The following SHISAL1 variants were observed in gnomAD, a reference collection of about 807,000 sequenced individuals.
SHISAL1 encodes the protein protein shisa-like-1.
SHISAL1 carries 9 observed loss-of-function variants against 22.6 expected under a neutral mutation model. The observed-to-expected ratio is 0.40, with a 90% CI of 0.24 to 0.70. The LOEUF is 0.70. Among genes scored for constraint, SHISAL1 ranks in the 30% least tolerant of loss-of-function variants. The pLI is 0.39. For missense variants in SHISAL1, 246 were observed against 270.6 expected, an observed-to-expected ratio of 0.91 and a Z score of 0.64; for synonymous variants, 119 against 115.4, an observed-to-expected ratio of 1.03 and a Z score of -0.20.
At chr22:44,326,930 C>T in the SHISAL1 span, among the ~76,000 whole-genome samples, 1 of 152,116 alleles carries the variant, frequency 6.6e-6, no homozygotes, top group Non-Finnish European at 1.5e-5. Context: ...CCTCCCCACA[C>T]CCCCGACTCC....
At chr22:44,261,704 A>C (rs970717428) in intron 4 of SHISAL1, among the ~76,000 whole-genome samples, 1 of 152,040 alleles carries the variant, frequency 6.6e-6, no homozygotes, top group Non-Finnish European at 1.5e-5. Flanking sequence ...GCAAATGTCA[A>C]CTCTTGTTCT....
intron 4 of SHISAL1, among the ~76,000 whole-genome samples, chr22:44,250,540 T>C (rs2055040182): frequency 6.6e-6 from 1 of 152,124 alleles, no homozygotes; most frequent in Non-Finnish European, 1.5e-5. Flanking sequence ...CTGCCCTGTG[T>C]CTATTATAAG....
chr22:44,267,007 T>C (rs573713977), intron 4 of SHISAL1, among the ~76,000 whole-genome samples: 1 of 152,272 alleles, frequency 6.6e-6, no homozygotes, highest in South Asian at 2.1e-4. Context: ...GTGCCAGCTA[T>C]GCCCAGCGGC....
In SHISAL1 at chr22:44,301,837, G is replaced by A. The variant is rs1056527002; in HGVS notation, c.-32-860C>T. ...GACTGCAAGATTCCACCTACATGGG[G>A]TCCCTAGAGGAGTCCCATTCACAGA... On this transcript the variant is annotated intron_variant, in intron 1 of 4. Coordinates refer to ENST00000381176, the MANE Select transcript of SHISAL1 (RefSeq NM_001099294.2). Among the ~76,000 whole-genome samples the A allele has an allele frequency of 1.3e-4, 20 of 152,134 alleles. 1 individual carries two copies. Among genetic ancestry groups the A allele is most frequent in the Admixed American group, 1.3e-4 (2 of 15,278 alleles).
At chr22:44,275,713 C>A (rs2055235114) in intron 4 of SHISAL1, among the ~76,000 whole-genome samples, 1 of 152,200 alleles carries the variant, frequency 6.6e-6, no homozygotes, top group African/African-American at 2.4e-5. Context: ...CCGTGCAGTT[C>A]CCAGCAATCT....
chr22:44,309,444 G>C (rs2055502508), intron 1 of SHISAL1, among the ~76,000 whole-genome samples: 1 of 152,172 alleles, frequency 6.6e-6, no homozygotes, highest in African/African-American at 2.4e-5. Flanking sequence ...AGACGGGCTA[G>C]CAGCTGCAGA....
the SHISAL1 span, among the ~76,000 whole-genome samples, chr22:44,318,131 A>G: frequency 1.3e-5 from 2 of 152,258 alleles, no homozygotes; most frequent in African/African-American, 2.4e-5. Context: ...TCCAGGGCAG[A>G]CAAGCCTCTA....
At chr22:44,319,090 A>T in the SHISAL1 span, among the ~76,000 whole-genome samples, 7 of 152,110 alleles carry the variant, frequency 4.6e-5, no homozygotes, top group African/African-American at 1.7e-4. Context: ...GCCCGTGAAG[A>T]CTCCAGGCCA....
intron 4 of SHISAL1, among the ~76,000 whole-genome samples, chr22:44,255,747 C>G (rs1023870878): frequency 2.6e-5 from 4 of 152,228 alleles, no homozygotes; most frequent in African/African-American, 9.6e-5. Context: ...CAGATTCACT[C>G]AGAGCAGAAG....
chr22:44,273,576 T>C (rs746789070), intron 4 of SHISAL1, among the ~76,000 whole-genome samples: 1 of 152,278 alleles, frequency 6.6e-6, no homozygotes. Context: ...GCCAGTGTGA[T>C]GCAGCCCCAT....
chr22:44,279,302 A>T (rs1185809013), intron 4 of SHISAL1, among the ~76,000 whole-genome samples: 1 of 152,214 alleles, frequency 6.6e-6, no homozygotes, highest in Admixed American at 6.5e-5. Context: ...AAGGAGCTGC[A>T]ACTCCATCCC....
intron 1 of SHISAL1, among the ~76,000 whole-genome samples, chr22:44,302,339 CAAAAAA>C (rs35335428): frequency 1.0e-5 from 1 of 98,014 alleles, no homozygotes. Flanking sequence ...GACTCCGTCT[CAAAAAA>C]AAAAAAAAAA....
intron 4 of SHISAL1, among the ~76,000 whole-genome samples, chr22:44,266,529 T>TGG (rs1491542372): frequency 0.05 from 1,076 of 21,728 alleles, 20 homozygotes; most frequent in African/African-American, 0.14. Context: ...CTTTGGGGTA[T>TGG]GTGTGTGTGT....
chr22:44,261,758 G>C (rs2055126135), intron 4 of SHISAL1, among the ~76,000 whole-genome samples: 1 of 152,274 alleles, frequency 6.6e-6, no homozygotes, highest in African/African-American at 2.4e-5. Flanking sequence ...CGTGAGTGCA[G>C]GAAACTGTTC....
At chr22:44,269,364 T>C in intron 4 of SHISAL1, among the ~76,000 whole-genome samples, 2 of 131,588 alleles carry the variant, frequency 1.5e-5, no homozygotes, top group East Asian at 2.2e-4. Context: ...AGATGCAGAG[T>C]ACATATGCAC....
rs1486174425 is a variant in SHISAL1 at position 44,245,054 on chromosome 22, A to T, written c.*4631T>A. On this transcript the variant is annotated 3_prime_UTR_variant, in exon 5 of 5. Coordinates refer to ENST00000381176, the MANE Select transcript of SHISAL1 (RefSeq NM_001099294.2). ...CCAGTGAGGTATTCCTGGACTGCAA[A>T]GGGCAGTGATCAGGGCGTCATCCAC... 6.6e-6 allele frequency: 1 copy of T among 152,288 alleles called. No homozygotes were observed. The highest frequency in any genetic ancestry group is 1.5e-5 in the Non-Finnish European group (1 of 68,094). The allele number at this position is 152,288 out of a possible 1,614,324, so 9.4% of individuals were successfully genotyped here. A position where few individuals can be genotyped will look rare whatever the true frequency, so the allele number is the denominator to read the frequency against.
At chr22:44,297,665 C>T (rs2055396790) in intron 2 of SHISAL1, among the ~76,000 whole-genome samples, 1 of 152,248 alleles carries the variant, frequency 6.6e-6, no homozygotes, top group South Asian at 2.1e-4. Context: ...TACTGCAAAC[C>T]CAGGATGGTA....
intron 1 of SHISAL1, among the ~76,000 whole-genome samples, chr22:44,309,761 C>T (rs935660449): frequency 6.6e-6 from 1 of 152,214 alleles, no homozygotes; most frequent in African/African-American, 2.4e-5. Context: ...GTCTCCAGGG[C>T]CTTTCCTCGG....
intron 4 of SHISAL1, among the ~76,000 whole-genome samples, chr22:44,251,243 G>A (rs185664796): frequency 7.0e-4 from 107 of 152,180 alleles, no homozygotes; most frequent in African/African-American, 2.5e-3. Context: ...CATACTGTAG[G>A]GGCTTAATAA....
Sources: gnomAD v4.1 joint callset for allele counts (sites outside exome capture counted in the v4.1 genomes callset) on GRCh38, gnomAD v4.1.1 for gene constraint, MANE v1.5 for transcripts, NCBI Gene and HGNC (gene_info 2026-07-23, HGNC 2026-07-21) for gene names.